The following NAALADL2 variants were observed in gnomAD, a reference collection of about 807,000 sequenced individuals.
NAALADL2 encodes inactive N-acetylated-alpha-linked acidic dipeptidase-like protein 2.
A neutral mutation model predicts 87.2 loss-of-function variants in NAALADL2; 76 were observed. The ratio of observed to expected loss-of-function variants is 0.87; its 90% CI spans 0.72 to 1.05. NAALADL2 has a LOEUF of 1.05. NAALADL2 is among the 50% of genes least tolerant of loss of function. The probability of loss-of-function intolerance (pLI) is 0.00; values close to 1 mark genes in which losing one functional copy is unlikely to be tolerated. For synonymous variants in NAALADL2, 354 were observed against 331.0 expected, an observed-to-expected ratio of 1.07 and a Z score of -0.75; for missense variants, 1,089 against 945.8, an observed-to-expected ratio of 1.15 and a Z score of -1.99.
chr3:175,471,697 T>G lies in NAALADL2; in HGVS notation c.1592T>G (p.Ile531Arg), dbSNP rs1187556864. The G allele has an allele frequency of 6.3e-7, 1 of 1,599,796 alleles. No homozygotes were observed. The highest frequency in any genetic ancestry group is 1.3e-5 in the African/African-American group (1 of 74,546). ...VVAYISLHSPIRGNSSLYPVA... is the reference protein window; with the variant it reads ...VVAYISLHSPRRGNSSLYPVA... ...GCTTATATTAGCCTCCACAGTCCCA[T>G]AAGGGGGAACTCTAGTCTGTATCCT... Residue 531 changes from isoleucine (I) to arginine (R), a missense_variant, in exon 9 of 14, where the codon ATA becomes AGA. Transcript: ENST00000454872.
At chr3:175,501,424 G>GACACACACACACACACAC (rs61284771) in intron 9 of NAALADL2, among the ~76,000 whole-genome samples, 2,730 of 148,894 alleles carry the variant, frequency 0.018, 40 homozygotes, top group African/African-American at 0.037. Flanking sequence ...ATACGTTTTA[G>GACACACACACACACACAC]ACACACACAC....
At chr3:175,034,572 T>A (rs182810220) in intron 1 of NAALADL2, among the ~76,000 whole-genome samples, 18 of 152,264 alleles carry the variant, frequency 1.2e-4, no homozygotes, top group Admixed American at 6.5e-4. Flanking sequence ...TCTCCATTAC[T>A]ATCTATCCCA....
At chr3:175,546,855 T>C (rs1030718051) in intron 9 of NAALADL2, among the ~76,000 whole-genome samples, 2 of 152,052 alleles carry the variant, frequency 1.3e-5, no homozygotes, top group African/African-American at 4.8e-5. Flanking sequence ...GGAATACAGC[T>C]AGCTAGGGAG....
intron 4 of NAALADL2, among the ~76,000 whole-genome samples, chr3:175,265,972 G>GGATA (rs2109954375): frequency 6.7e-6 from 1 of 149,638 alleles, no homozygotes. Context: ...AAACACTATT[G>GGATA]GGTTTATAGA....
chr3:175,312,597 A>C (rs1758525867), intron 4 of NAALADL2, among the ~76,000 whole-genome samples: 1 of 152,160 alleles, frequency 6.6e-6, no homozygotes, highest in Non-Finnish European at 1.5e-5. Flanking sequence ...ATGGACGTAT[A>C]ATTGAGAGGA....
intron 1 of NAALADL2, among the ~76,000 whole-genome samples, chr3:174,503,683 A>G (rs12491259): frequency 0.08 from 12,153 of 152,180 alleles, 1,187 homozygotes; most frequent in East Asian, 0.42. Flanking sequence ...AAAAAATTCT[A>G]AAAGCCTGCA....
chr3:175,317,196 A>G, intron 4 of NAALADL2, among the ~76,000 whole-genome samples: 1 of 152,176 alleles, frequency 6.6e-6, no homozygotes, highest in East Asian at 1.9e-4. Flanking sequence ...TACTCAGAAG[A>G]GACACAACTG....
chr3:175,674,140 C>G (rs1660817977), intron 11 of NAALADL2, among the ~76,000 whole-genome samples: 1 of 152,052 alleles, frequency 6.6e-6, no homozygotes, highest in Non-Finnish European at 1.5e-5. Context: ...CTACATCCTC[C>G]TCTGAATCCC....
chr3:174,550,999 T>C (rs1712056950), intron 2 of NAALADL2: 3 of 152,026 alleles, frequency 2.0e-5, no homozygotes, highest in Admixed American at 2.0e-4. Context: ...TTATTTTATT[T>C]TATTATTATT....
intron 3 of NAALADL2, among the ~76,000 whole-genome samples, chr3:174,798,373 C>T (rs1220276578): frequency 6.6e-6 from 1 of 152,126 alleles, no homozygotes. Context: ...AGTCCTACAG[C>T]CTTGTTCTCT....
At chr3:174,928,740 A>G (rs1252263141) in intron 1 of NAALADL2, among the ~76,000 whole-genome samples, 2 of 152,236 alleles carry the variant, frequency 1.3e-5, no homozygotes, top group Non-Finnish European at 2.9e-5. Context: ...ATAGCTTACT[A>G]TAAAATTGTA....
chr3:174,934,670 A>AAAC (rs1207698011), intron 1 of NAALADL2, among the ~76,000 whole-genome samples: 1 of 152,034 alleles, frequency 6.6e-6, no homozygotes, highest in Non-Finnish European at 1.5e-5. Flanking sequence ...AACAAAACAT[A>AAAC]AACAACAACA....
chr3:175,377,577 G>T (rs1296330210), intron 5 of NAALADL2, among the ~76,000 whole-genome samples: 1 of 152,186 alleles, frequency 6.6e-6, no homozygotes, highest in Non-Finnish European at 1.5e-5. Context: ...ACAGGGGCCA[G>T]TCCCTGGCAA....
chr3:174,792,314 A>G (rs1456698443), intron 3 of NAALADL2, among the ~76,000 whole-genome samples: 2 of 151,874 alleles, frequency 1.3e-5, no homozygotes, highest in Non-Finnish European at 2.9e-5. Flanking sequence ...CAGGCAGGGA[A>G]GGAAGGAAGG....
chr3:174,441,262 G>C (rs1714588995), intron 1 of NAALADL2, among the ~76,000 whole-genome samples: 2 of 152,156 alleles, frequency 1.3e-5, no homozygotes, highest in Non-Finnish European at 2.9e-5. Context: ...ACTCCGCGGG[G>C]TGGCGCGCGG....
intron 5 of NAALADL2, among the ~76,000 whole-genome samples, chr3:175,387,384 T>C (rs753673249): frequency 5.9e-5 from 9 of 152,158 alleles, no homozygotes; most frequent in Non-Finnish European, 1.5e-5. Context: ...AAAATTCTCC[T>C]GTGGTACAAT....
At chr3:175,123,048 G>A (rs757642430) in intron 2 of NAALADL2, among the ~76,000 whole-genome samples, 1 of 151,898 alleles carries the variant, frequency 6.6e-6, no homozygotes, top group Non-Finnish European at 1.5e-5. Flanking sequence ...CCATTTATGA[G>A]GGCAAAGCCC....
rs533813593 is a variant in NAALADL2 at position 174,506,029 on chromosome 3, G to T, written c.-183-44540G>T. 2.9e-3 allele frequency among the ~76,000 whole-genome samples: 438 copies of T among 152,200 alleles called. 1 individual carries two copies. The highest frequency in any genetic ancestry group is 0.01 in the African/African-American group (420 of 41,536). On this transcript the variant is annotated intron_variant, in intron 1 of 3. Transcript: ENST00000434257. ...CATGTGTGTGTCTATGTGTGTGCAC[G>T]TATGTGTGTTTAGAGAGGGGAGGAG...
intron 3 of NAALADL2, among the ~76,000 whole-genome samples, chr3:174,834,409 ACTCT>A (rs1239690310): frequency 6.7e-6 from 1 of 150,006 alleles, no homozygotes; most frequent in East Asian, 2.0e-4. Context: ...CAAAATGTCT[ACTCT>A]CTCAATTTCT....
Sources: allele counts gnomAD v4.1 joint callset (sites outside exome capture counted in the v4.1 genomes callset), GRCh38; gene constraint gnomAD v4.1.1; transcripts MANE v1.5; gene names NCBI Gene and HGNC (gene_info 2026-07-23, HGNC 2026-07-21).